Variants in SLC24A2 observed in about 807,000 individuals in gnomAD.
The protein encoded by SLC24A2 is solute carrier family 24 member 2.
Under a neutral mutation model 62.0 loss-of-function variants are expected in SLC24A2, and 36 were observed. The observed-to-expected ratio is 0.58, with a 90% CI of 0.44 to 0.77. The LOEUF (loss-of-function observed/expected upper bound fraction) is 0.77. Among genes scored for constraint, SLC24A2 ranks in the 30% least tolerant of loss-of-function variants. SLC24A2 has a pLI of 0.00. For missense variants in SLC24A2, 846 were observed against 817.9 expected (o/e 1.03, Z -0.42); for synonymous variants, 358 against 294.0 (o/e 1.22, Z -2.23).
At chr9:19,878,512 C>T in the SLC24A2 span, among the ~76,000 whole-genome samples, 1 of 152,134 alleles carries the variant, frequency 6.6e-6, no homozygotes, top group Non-Finnish European at 1.5e-5. Flanking sequence ...AGATTCGTGT[C>T]CCCACCCAAA....
chr9:19,817,098 A>T, the SLC24A2 span, among the ~76,000 whole-genome samples: 6 of 152,120 alleles, frequency 3.9e-5, no homozygotes, highest in African/African-American at 1.4e-4. Context: ...GAATTTGGAG[A>T]AGCACATACT....
chr9:19,985,416 G>A, the SLC24A2 span, among the ~76,000 whole-genome samples: 2 of 152,024 alleles, frequency 1.3e-5, no homozygotes, highest in South Asian at 2.1e-4. Flanking sequence ...AAAAAGAAAT[G>A]AATTACTGAT....
the SLC24A2 span, among the ~76,000 whole-genome samples, chr9:20,157,969 AC>A: frequency 6.6e-6 from 1 of 151,668 alleles, no homozygotes; most frequent in African/African-American, 2.4e-5. Flanking sequence ...AAGTAAGCAA[AC>A]AAAAATGTGA....
At chr9:19,773,786 A>G (rs1482656768) in intron 2 of SLC24A2, among the ~76,000 whole-genome samples, 1 of 152,238 alleles carries the variant, frequency 6.6e-6, no homozygotes. Context: ...AGATAGGTGC[A>G]TGAATAGCTA....
the SLC24A2 span, among the ~76,000 whole-genome samples, chr9:20,265,299 G>A: frequency 1.3e-5 from 2 of 152,216 alleles, no homozygotes; most frequent in Non-Finnish European, 2.9e-5. Flanking sequence ...ATAAAAGGGA[G>A]CTGAAGAATA....
At chr9:19,761,768 G>A (rs1288844418) in intron 2 of SLC24A2, among the ~76,000 whole-genome samples, 2 of 152,152 alleles carry the variant, frequency 1.3e-5, no homozygotes, top group Non-Finnish European at 2.9e-5. Flanking sequence ...TGCTGAGAAT[G>A]ATGGTTTCCA....
chr9:20,023,768 T>C, the SLC24A2 span, among the ~76,000 whole-genome samples: 1 of 152,108 alleles, frequency 6.6e-6, no homozygotes, highest in African/African-American at 2.4e-5. Context: ...CAGCTGTTCC[T>C]CTAAAACAAA....
chr9:20,018,884 C>T, the SLC24A2 span, among the ~76,000 whole-genome samples: 2 of 151,852 alleles, frequency 1.3e-5, no homozygotes, highest in South Asian at 2.1e-4. Flanking sequence ...GGCAACATGG[C>T]GAAACCCTGT....
At chr9:19,926,863 C>G in the SLC24A2 span, 3 of 152,376 alleles carry the variant, frequency 2.0e-5, no homozygotes, top group African/African-American at 7.2e-5. Context: ...TCTGGGGGAC[C>G]AAGCCAGGGC....
chr9:20,083,143 A>G, the SLC24A2 span, among the ~76,000 whole-genome samples: 1 of 152,186 alleles, frequency 6.6e-6, no homozygotes, highest in East Asian at 1.9e-4. Context: ...TTCCACCTCA[A>G]CTTCCACTGT....
At chr9:20,298,518 C>T in the SLC24A2 span, among the ~76,000 whole-genome samples, 1,057 of 152,318 alleles carry the variant, frequency 6.9e-3, 10 homozygotes, top group African/African-American at 0.023. Flanking sequence ...CGTGAGCCAC[C>T]GCACCCGGTC....
chr9:20,127,911 G>T, the SLC24A2 span, among the ~76,000 whole-genome samples: 1 of 152,040 alleles, frequency 6.6e-6, no homozygotes, highest in Non-Finnish European at 1.5e-5. Context: ...TCAAATAGCT[G>T]ATTTTCCAAA....
At chr9:19,895,967 T>C in the SLC24A2 span, 3 of 1,605,930 alleles carry the variant, frequency 1.9e-6, no homozygotes, top group South Asian at 2.2e-5. Context: ...TCTTGGAGCA[T>C]GTAACTCTGC....
the SLC24A2 span, among the ~76,000 whole-genome samples, chr9:19,997,537 C>T: frequency 0.013 from 1,983 of 152,242 alleles, 36 homozygotes; most frequent in African/African-American, 0.04. Context: ...ATTCAGCACA[C>T]TCTCAGCAAG....
chr9:19,817,512 T>G, the SLC24A2 span, among the ~76,000 whole-genome samples: 1 of 151,782 alleles, frequency 6.6e-6, no homozygotes, highest in Non-Finnish European at 1.5e-5. Context: ...ACATTTTATG[T>G]ATATTCATTT....
chr9:19,853,040 T>C, the SLC24A2 span, among the ~76,000 whole-genome samples: 1 of 152,168 alleles, frequency 6.6e-6, no homozygotes, highest in Non-Finnish European at 1.5e-5. Flanking sequence ...ACTTCCCTTG[T>C]TAGATGTATT....
chr9:19,683,790 T>C (rs552869715), intron 2 of SLC24A2, among the ~76,000 whole-genome samples: 6 of 152,202 alleles, frequency 3.9e-5, no homozygotes, highest in Middle Eastern at 3.4e-3. Flanking sequence ...TTTAAAAACA[T>C]TATTTTTTTG....
At chr9:20,179,169 T>A in the SLC24A2 span, among the ~76,000 whole-genome samples, 1 of 152,068 alleles carries the variant, frequency 6.6e-6, no homozygotes, top group Non-Finnish European at 1.5e-5. Flanking sequence ...GTAGAAATCA[T>A]GAGTAAGTGG....
At chr9:19,958,747 T>C in the SLC24A2 span, among the ~76,000 whole-genome samples, 2 of 152,208 alleles carry the variant, frequency 1.3e-5, no homozygotes, top group East Asian at 3.9e-4. Flanking sequence ...GGAGGCATAA[T>C]ATAAATGTGT....
Sources: gnomAD v4.1 joint callset for allele counts (sites outside exome capture counted in the v4.1 genomes callset) on GRCh38, gnomAD v4.1.1 for gene constraint, MANE v1.5 for transcripts, NCBI Gene and HGNC (gene_info 2026-07-23, HGNC 2026-07-21) for gene names.